The following MZT1 variants were observed in gnomAD, a reference collection of about 807,000 sequenced individuals.
The protein encoded by MZT1 is mitotic spindle organizing protein 1.
A neutral mutation model predicts 8.5 loss-of-function variants in MZT1; 8 were observed. The observed-to-expected ratio is 0.94, with a 90% CI of 0.55 to 1.70. The LOEUF (loss-of-function observed/expected upper bound fraction) is 1.70, where lower values mean the gene tolerates loss of function less well. Among genes scored for constraint, MZT1 ranks in the 40% most tolerant of loss-of-function variants. MZT1 has a pLI of 0.00. For synonymous variants in MZT1, 38 were observed against 42.0 expected, an observed-to-expected ratio of 0.90 and a Z score of 0.37; for missense variants, 93 against 108.6, an observed-to-expected ratio of 0.86 and a Z score of 0.64.
At chr13:72,724,752 A>ATGTGTGTGTG (rs1555270950) in intron 1 of MZT1, among the ~76,000 whole-genome samples, 3,513 of 56,628 alleles carry the variant, frequency 0.062, 584 homozygotes, top group Admixed American at 0.15. Context: ...ACATATATAT[A>ATGTGTGTGTG]TGTAAAGTGG....
At chr13:72,721,077 C>T (rs9318119) in intron 1 of MZT1, among the ~76,000 whole-genome samples, 134,287 of 152,210 alleles carry the variant, frequency 0.88, 61,271 homozygotes, top group Non-Finnish European at 0.99. Flanking sequence ...CATCATGGGT[C>T]ATACTGTTCT....
intron 2 of MZT1, among the ~76,000 whole-genome samples, chr13:72,714,885 G>A (rs528947872): frequency 6.6e-6 from 1 of 152,212 alleles, no homozygotes; most frequent in Non-Finnish European, 1.5e-5. Flanking sequence ...CCCTCATGGA[G>A]AATCTCTACT....
chr13:72,719,640 T>G (rs1362172250), intron 1 of MZT1, among the ~76,000 whole-genome samples: 1 of 152,084 alleles, frequency 6.6e-6, no homozygotes, highest in East Asian at 1.9e-4. Flanking sequence ...CATACAATAG[T>G]CAAAAAAAGG....
At chr13:72,710,473 A>G (rs2032478079) in intron 2 of MZT1, 128 bp from the exon 3 acceptor site, 1 of 806,866 alleles carries the variant, frequency 1.2e-6, no homozygotes, top group Non-Finnish European at 2.1e-6. Context: ...CACTTTTATC[A>G]CAGTAATGCA....
intron 1 of MZT1, among the ~76,000 whole-genome samples, chr13:72,721,147 C>A (rs2032589897): frequency 6.6e-6 from 1 of 152,086 alleles, no homozygotes; most frequent in African/African-American, 2.4e-5. Context: ...TACTTAGGTA[C>A]CGGATAGTTT....
intron 1 of MZT1, among the ~76,000 whole-genome samples, chr13:72,723,812 T>C (rs926041747): frequency 6.6e-6 from 1 of 150,466 alleles, no homozygotes; most frequent in Non-Finnish European, 1.5e-5. Context: ...GGAGGAGAGA[T>C]AGATATTAAA....
intron 2 of MZT1, among the ~76,000 whole-genome samples, chr13:72,717,125 TTTC>T: frequency 1.3e-5 from 2 of 152,312 alleles, no homozygotes; most frequent in South Asian, 4.1e-4. Flanking sequence ...GGCTGAGAAT[TTTC>T]TAAATTCTCA....
intron 2 of MZT1, among the ~76,000 whole-genome samples, chr13:72,715,745 C>G (rs897312910): frequency 6.6e-6 from 1 of 152,136 alleles, no homozygotes; most frequent in Non-Finnish European, 1.5e-5. Flanking sequence ...CTCTCCCTCT[C>G]TTGCTCCTGT....
chr13:72,714,996 AC>A (rs1480578545), intron 2 of MZT1, among the ~76,000 whole-genome samples: 12 of 152,168 alleles, frequency 7.9e-5, no homozygotes, highest in African/African-American at 2.7e-4. Flanking sequence ...CCGTTCTCCA[AC>A]CCCAGAATGG....
At chr13:72,718,903 T>C (rs2032565731) in intron 2 of MZT1, 49 bp downstream of exon 2, 1 of 1,497,086 alleles carries the variant, frequency 6.7e-7, no homozygotes, top group Non-Finnish European at 8.9e-7. Flanking sequence ...TAATCATTTT[T>C]CTAAATAAAA....
chr13:72,713,337 T>G (rs146013731), intron 2 of MZT1, among the ~76,000 whole-genome samples: 47 of 152,334 alleles, frequency 3.1e-4, no homozygotes, highest in African/African-American at 1.0e-3. Flanking sequence ...AAAATTTGCA[T>G]TGAAGTTGTC....
chr13:72,717,774 C>T (rs975984483), intron 2 of MZT1, among the ~76,000 whole-genome samples: 3 of 152,144 alleles, frequency 2.0e-5, no homozygotes, highest in East Asian at 1.9e-4. Flanking sequence ...ATGTTAGTCT[C>T]GAAAAAACTC....
At chr13:72,726,882 G>T (rs1385823084) in intron 1 of MZT1, among the ~76,000 whole-genome samples, 3 of 152,120 alleles carry the variant, frequency 2.0e-5, no homozygotes, top group Non-Finnish European at 4.4e-5. Context: ...TTCGTGTTCT[G>T]CAACACTTGT....
chr13:72,719,803 C>T (rs1211161931), intron 1 of MZT1, among the ~76,000 whole-genome samples: 5 of 152,086 alleles, frequency 3.3e-5, no homozygotes, highest in African/African-American at 7.2e-5. Context: ...GTTGATAGAA[C>T]TCATTGTCTT....
chr13:72,715,374 A>ATT (rs2032525143), intron 2 of MZT1, among the ~76,000 whole-genome samples: 1 of 152,198 alleles, frequency 6.6e-6, no homozygotes, highest in African/African-American at 2.4e-5. Flanking sequence ...CATAGGTGGA[A>ATT]GGGACTTGCC....
intron 2 of MZT1, 133 bp downstream of exon 2, chr13:72,718,819 G>T: frequency 1.2e-6 from 1 of 828,820 alleles, no homozygotes; most frequent in Non-Finnish European, 1.8e-6. Flanking sequence ...ACACTATTGA[G>T]CTCCTGGTCT....
At chr13:72,716,918 G>T (rs1429435070) in intron 2 of MZT1, among the ~76,000 whole-genome samples, 1 of 152,118 alleles carries the variant, frequency 6.6e-6, no homozygotes, top group Non-Finnish European at 1.5e-5. Flanking sequence ...TAACACATGG[G>T]CCCTCAGCTG....
intron 1 of MZT1, 73 bp downstream of exon 1, chr13:72,727,451 C>T (rs1355551137): frequency 4.0e-6 from 6 of 1,482,474 alleles, no homozygotes; most frequent in African/African-American, 1.4e-5. Flanking sequence ...AAGTCCTCCC[C>T]AGGCTCATTC....
At chr13:72,721,675 G>A (rs2032594957) in intron 1 of MZT1, among the ~76,000 whole-genome samples, 1 of 152,228 alleles carries the variant, frequency 6.6e-6, no homozygotes, top group Non-Finnish European at 1.5e-5. Flanking sequence ...CAGTGAGCTG[G>A]GGCAACCCAA....
Sources: allele counts gnomAD v4.1 joint callset (sites outside exome capture counted in the v4.1 genomes callset), GRCh38; gene constraint gnomAD v4.1.1; transcripts MANE v1.5; gene names NCBI Gene and HGNC (gene_info 2026-07-23, HGNC 2026-07-21).